Variants in DENND5A observed in about 807,000 individuals in gnomAD.
DENND5A encodes the protein DENN domain containing 5A.
In DENND5A, 64 loss-of-function variants were observed where a neutral mutation model predicts 140.3. The ratio of observed to expected loss-of-function variants is 0.46; its 90% CI spans 0.37 to 0.56. DENND5A has a LOEUF of 0.56. Among genes scored for constraint, DENND5A ranks in the 20% least tolerant of loss-of-function variants. DENND5A has a pLI of 0.00. For missense variants in DENND5A, 1,292 were observed against 1,593.8 expected (o/e 0.81, Z 3.22); for synonymous variants, 605 against 607.7 (o/e 1.00, Z 0.07).
At chr11:9,245,327 A>T (rs536766124) in intron 1 of DENND5A, 1 of 151,262 alleles carries the variant, frequency 6.6e-6, no homozygotes, top group Non-Finnish European at 1.5e-5. Flanking sequence ...GCAGTGGCTC[A>T]TACCTGTAAT....
rs199768980 is a variant in DENND5A at position 9,203,862 on chromosome 11, G to A, written c.747C>T (p.Tyr249=). 14 of 1,614,140 alleles carry A rather than the reference G, an allele frequency of 8.7e-6. No individual in the cohort carries two copies. The highest frequency in any genetic ancestry group is 1.6e-4 in the Middle Eastern group (1 of 6,062). Residue 249 remains tyrosine (Y), a synonymous_variant, in exon 4 of 23, where the codon TAC becomes TAT. Transcript: ENST00000328194. ...GGCCAGGAGGTGGGAGCGGCACCTCGTAGAGTACGTTGTATATGTAGCTCT... is the reference window on the plus strand; with the variant it reads ...GGCCAGGAGGTGGGAGCGGCACCTCATAGAGTACGTTGTATATGTAGCTCT... ...PLESYIYNVL[Y]EVPLPPPGRS... is the part of the protein sequence containing the mutation.
At chr11:9,264,314 C>T (rs1399965697) in intron 1 of DENND5A, among the ~76,000 whole-genome samples, 1 of 152,134 alleles carries the variant, frequency 6.6e-6, no homozygotes, top group African/African-American at 2.4e-5. Flanking sequence ...TTCACAAACG[C>T]CTCTGTCCTC....
chr11:9,152,775 G>A (rs10840181), intron 12 of DENND5A, among the ~76,000 whole-genome samples: 39,364 of 151,654 alleles, frequency 0.26, 6,140 homozygotes, highest in African/African-American at 0.43. Flanking sequence ...AAGCCGAGGC[G>A]GGCAGATCAC....
At chr11:9,150,413 A>G (rs1352980464) in intron 14 of DENND5A, among the ~76,000 whole-genome samples, 1 of 152,204 alleles carries the variant, frequency 6.6e-6, no homozygotes, top group East Asian at 1.9e-4. Flanking sequence ...AAAAGACAGT[A>G]CAGCCCTTAA....
At chr11:9,264,432 T>C (rs1852350705) in intron 1 of DENND5A, among the ~76,000 whole-genome samples, 2 of 152,136 alleles carry the variant, frequency 1.3e-5, no homozygotes, top group African/African-American at 2.4e-5. Flanking sequence ...GTTCACTTTA[T>C]TACTTCATAT....
chr11:9,144,725 G>C (rs1847365751), intron 18 of DENND5A, among the ~76,000 whole-genome samples: 2 of 151,480 alleles, frequency 1.3e-5, no homozygotes, highest in South Asian at 4.2e-4. Context: ...GGAGGCACAG[G>C]CTGCAGTGAG....
chr11:9,225,661 C>A (rs1850501088), intron 1 of DENND5A, among the ~76,000 whole-genome samples: 1 of 152,158 alleles, frequency 6.6e-6, no homozygotes, highest in Admixed American at 6.6e-5. Context: ...ACTCGGGTGG[C>A]TGAGGCAGGG....
chr11:9,165,503 C>A (rs966271459), intron 11 of DENND5A, among the ~76,000 whole-genome samples: 1 of 151,896 alleles, frequency 6.6e-6, no homozygotes, highest in African/African-American at 2.4e-5. Context: ...GCAGTGGTGC[C>A]ATCATAGCTC....
Position 9,262,569 on chromosome 11 carries a change from C to G in DENND5A, c.109+2392G>C, listed in dbSNP as rs75306993. Among the ~76,000 whole-genome samples the G allele has an allele frequency of 7.3e-3, 1,116 of 152,244 alleles. 11 individuals carry two copies. The highest frequency in any genetic ancestry group is 0.026 in the African/African-American group (1,079 of 41,534). ...AGGCCCCACTGTCCTTCCTGGGCCT[C>G]ATTTTCCCCTCTGAGGTCCCTTCCA... On this transcript the variant is annotated intron_variant, in intron 1 of 22. Transcript: ENST00000328194.
chr11:9,225,342 A>G (rs913095720), intron 1 of DENND5A, among the ~76,000 whole-genome samples: 1 of 152,242 alleles, frequency 6.6e-6, no homozygotes, highest in Non-Finnish European at 1.5e-5. Context: ...CATTCCTGTG[A>G]AACATTCTTG....
chr11:9,206,532 A>G, intron 3 of DENND5A, 141 bp downstream of exon 3: 2 of 668,414 alleles, frequency 3.0e-6, no homozygotes, highest in Non-Finnish European at 2.6e-6. Flanking sequence ...AAAATGCAGA[A>G]TAATAAACAA....
At chr11:9,151,996 G>T (rs113844171) in intron 13 of DENND5A, among the ~76,000 whole-genome samples, 1 of 152,152 alleles carries the variant, frequency 6.6e-6, no homozygotes, top group African/African-American at 2.4e-5. Flanking sequence ...CTTGACTAAC[G>T]GGATAGATAA....
Position 9,200,237 on chromosome 11 carries a change from G to A in DENND5A, c.949+3423C>T, listed in dbSNP as rs114350270. Among the ~76,000 whole-genome samples, 481 of 152,240 alleles carry A rather than the reference G, an allele frequency of 3.2e-3. 2 individuals are homozygous for A. The highest frequency in any genetic ancestry group is 0.011 in the African/African-American group (459 of 41,546). ...ACTGTATCTTCTAACACTCTATATA[G>A]TTTGGTTTCCTCCTCTCTGTTCTGT... On this transcript the variant is annotated intron_variant, in intron 4 of 22. Coordinates refer to ENST00000328194, the MANE Select transcript of DENND5A (RefSeq NM_015213.4).
intron 8 of DENND5A, chr11:9,171,631 T>C (rs1325106637): frequency 2.0e-5 from 3 of 150,018 alleles, no homozygotes; most frequent in Non-Finnish European, 2.9e-5. Context: ...GAGGCCAAAG[T>C]GAGGGTATCA....
intron 8 of DENND5A, 46 bp from the exon 9 acceptor site, chr11:9,170,823 TACAC>T: frequency 6.3e-7 from 1 of 1,583,354 alleles, no homozygotes; most frequent in Non-Finnish European, 8.6e-7. Context: ...CACACATAAA[TACAC>T]ACACAAATAA....
chr11:9,257,028 T>C (rs1851975639), intron 1 of DENND5A, among the ~76,000 whole-genome samples: 4 of 152,054 alleles, frequency 2.6e-5, no homozygotes, highest in African/African-American at 9.7e-5. Flanking sequence ...ATGCTTCTTT[T>C]TCTTTTTTCT....
intron 1 of DENND5A, among the ~76,000 whole-genome samples, chr11:9,216,674 T>TC (rs1218883989): frequency 7.2e-5 from 11 of 152,072 alleles, no homozygotes; most frequent in Non-Finnish European, 1.5e-4. Context: ...TCCCAGATAA[T>TC]CAGGAGGATG....
chr11:9,233,923 A>G (rs1850884523), intron 1 of DENND5A, among the ~76,000 whole-genome samples: 1 of 152,172 alleles, frequency 6.6e-6, no homozygotes, highest in Non-Finnish European at 1.5e-5. Flanking sequence ...CAGGCCTGTA[A>G]TCCCAGCACT....
At chr11:9,213,808 C>CAAA (rs3074627) in intron 1 of DENND5A, among the ~76,000 whole-genome samples, 4 of 69,628 alleles carry the variant, frequency 5.7e-5, no homozygotes, top group African/African-American at 1.7e-4. Context: ...CTCCGTCTCC[C>CAAA]AAAAAAAAAA....
Sources: allele counts gnomAD v4.1 joint callset (sites outside exome capture counted in the v4.1 genomes callset), GRCh38; gene constraint gnomAD v4.1.1; transcripts MANE v1.5; gene names NCBI Gene and HGNC (gene_info 2026-07-23, HGNC 2026-07-21).